The following ZNF804B variants were observed in gnomAD, a reference collection of about 807,000 sequenced individuals.
ZNF804B encodes zinc finger 804B.
A neutral mutation model predicts 101.4 loss-of-function variants in ZNF804B; 80 were observed. The ratio of observed to expected loss-of-function variants is 0.79; its 90% CI spans 0.66 to 0.95. The LOEUF is 0.95. ZNF804B is among the 40% of genes least tolerant of loss of function. The pLI, the probability that ZNF804B is intolerant of heterozygous loss-of-function variation, is 0.00. For missense variants in ZNF804B, 1,673 were observed against 1,561.9 expected (o/e 1.07, Z -1.20); for synonymous variants, 622 against 558.8 (o/e 1.11, Z -1.59).
chr7:89,164,930 G>A (rs984669740), intron 1 of ZNF804B, among the ~76,000 whole-genome samples: 3 of 152,048 alleles, frequency 2.0e-5, no homozygotes, highest in African/African-American at 7.2e-5. Flanking sequence ...TTTTACATAT[G>A]TTGTGTTATT....
intron 1 of ZNF804B, among the ~76,000 whole-genome samples, chr7:88,811,223 A>G (rs1790780401): frequency 6.6e-6 from 1 of 152,202 alleles, no homozygotes; most frequent in African/African-American, 2.4e-5. Flanking sequence ...TACCAACTGT[A>G]TGGCTGTTGG....
At chr7:88,939,712 G>T (rs781779339) in intron 1 of ZNF804B, among the ~76,000 whole-genome samples, 10 of 151,098 alleles carry the variant, frequency 6.6e-5, no homozygotes, top group East Asian at 2.0e-4. Context: ...GATTGAAAAA[G>T]ATATAATAGG....
At chr7:88,818,434 A>G (rs1790919636) in intron 1 of ZNF804B, among the ~76,000 whole-genome samples, 1 of 152,178 alleles carries the variant, frequency 6.6e-6, no homozygotes. Flanking sequence ...TATTAATGAA[A>G]GATAGTCAAT....
intron 1 of ZNF804B, among the ~76,000 whole-genome samples, chr7:89,069,513 T>C (rs1789503471): frequency 6.6e-6 from 1 of 152,184 alleles, no homozygotes; most frequent in Non-Finnish European, 1.5e-5. Context: ...TTTTTTAATG[T>C]TTATTTCAAT....
chr7:88,857,836 T>C lies in ZNF804B; in HGVS notation c.108+97752T>C, dbSNP rs1182544627. Reference sequence around the variant, plus strand: ...TCCTTTCTTTTCTTTTTTTTTTTTTTTTTTTTTTTTTTTTTGTCACTGCTG... The same window carrying C: ...TCCTTTCTTTTCTTTTTTTTTTTTTCTTTTTTTTTTTTTTTGTCACTGCTG... On this transcript the variant is annotated intron_variant, in intron 1 of 3. Coordinates refer to ENST00000333190, the MANE Select transcript of ZNF804B (RefSeq NM_181646.5). Among the ~76,000 whole-genome samples, 144 of 131,666 alleles carry C rather than the reference T, an allele frequency of 1.1e-3. 1 individual carries two copies. The East Asian group carries it at 0.025, about 23-fold the overall frequency. 86.4% of individuals were successfully genotyped at this position (131,666 alleles called of 152,430 possible).
chr7:89,252,515 A>C (rs1789557679), intron 2 of ZNF804B, among the ~76,000 whole-genome samples: 1 of 152,218 alleles, frequency 6.6e-6, no homozygotes, highest in Admixed American at 6.5e-5. Flanking sequence ...CATTTGATCC[A>C]GCAATCCCAT....
At chr7:89,102,925 A>G (rs932872407) in intron 1 of ZNF804B, among the ~76,000 whole-genome samples, 13 of 151,738 alleles carry the variant, frequency 8.6e-5, no homozygotes, top group Non-Finnish European at 1.9e-4. Context: ...TCACAGAACC[A>G]TTTATTGAAT....
intron 1 of ZNF804B, among the ~76,000 whole-genome samples, chr7:88,767,654 TATTACTTGC>T (rs1233258419): frequency 7.9e-5 from 12 of 152,206 alleles, no homozygotes; most frequent in African/African-American, 2.7e-4. Context: ...GAGGTGGCCA[TATTACTTGC>T]ATTCACATTC....
chr7:88,878,195 TATAATCCCATTGGTACCTTTTTTATGACA>T (rs1791980281), intron 1 of ZNF804B, among the ~76,000 whole-genome samples: 1 of 152,176 alleles, frequency 6.6e-6, no homozygotes, highest in South Asian at 2.1e-4. Context: ...TGAAATGGGC[TATAATCCCATTGGTACCTTTTTTATGACA>T]AGGGTTTTGG....
At chr7:88,964,633 C>T (rs1793430433) in intron 1 of ZNF804B, among the ~76,000 whole-genome samples, 1 of 151,448 alleles carries the variant, frequency 6.6e-6, no homozygotes, top group East Asian at 2.0e-4. Flanking sequence ...TGAATGTACT[C>T]AGTGCCACTG....
chr7:89,026,220 C>A, intron 1 of ZNF804B, among the ~76,000 whole-genome samples: 1 of 152,042 alleles, frequency 6.6e-6, no homozygotes, highest in African/African-American at 2.4e-5. Flanking sequence ...TAGTAATATA[C>A]CATAACAAGT....
intron 1 of ZNF804B, among the ~76,000 whole-genome samples, chr7:88,870,983 T>C (rs1791814542): frequency 6.6e-6 from 1 of 150,714 alleles, no homozygotes; most frequent in Non-Finnish European, 1.5e-5. Flanking sequence ...AATGATATAA[T>C]TTAATGCCAT....
At chr7:88,864,548 G>A (rs1257959920) in intron 1 of ZNF804B, among the ~76,000 whole-genome samples, 5 of 152,144 alleles carry the variant, frequency 3.3e-5, no homozygotes, top group Admixed American at 3.3e-4. Flanking sequence ...ACCCCTAGAG[G>A]AGTATTCACC....
chr7:88,941,302 A>C (rs1404722926), intron 1 of ZNF804B, among the ~76,000 whole-genome samples: 1 of 152,034 alleles, frequency 6.6e-6, no homozygotes, highest in African/African-American at 2.4e-5. Context: ...TCTGCACAAA[A>C]TCCTGCACAC....
intron 1 of ZNF804B, among the ~76,000 whole-genome samples, chr7:89,094,646 C>T (rs1789944765): frequency 6.6e-6 from 1 of 151,202 alleles, no homozygotes; most frequent in Non-Finnish European, 1.5e-5. Flanking sequence ...CAGTGTGTTT[C>T]TGATGAAAAC....
intron 2 of ZNF804B, among the ~76,000 whole-genome samples, chr7:89,308,795 T>G (rs1790606478): frequency 6.6e-6 from 1 of 152,190 alleles, no homozygotes; most frequent in Admixed American, 6.5e-5. Flanking sequence ...GATTCAACTC[T>G]GCCAATACAG....
At chr7:89,258,113 TA>T (rs1789662256) in intron 2 of ZNF804B, among the ~76,000 whole-genome samples, 1 of 151,924 alleles carries the variant, frequency 6.6e-6, no homozygotes, top group Non-Finnish European at 1.5e-5. Context: ...AAAAATAATA[TA>T]AATAAAATAT....
chr7:89,195,455 A>C, intron 1 of ZNF804B, among the ~76,000 whole-genome samples: 2 of 144,250 alleles, frequency 1.4e-5, no homozygotes, highest in Non-Finnish European at 1.5e-5. Context: ...GTCTCAGCCC[A>C]AAATCTCCTT....
chr7:89,086,891 T>C lies in ZNF804B; in HGVS notation c.109-131264T>C, dbSNP rs528167653. ...TCTATACCTAATGCTAAATGATGAG[T>C]TAATGGGTGCAGCACACCAACATGG... On this transcript the variant is annotated intron_variant, in intron 1 of 3. Coordinates refer to ENST00000333190, the MANE Select transcript of ZNF804B (RefSeq NM_181646.5). Among the ~76,000 whole-genome samples, 123 of 151,962 alleles carry C rather than the reference T, an allele frequency of 8.1e-4. 1 individual carries two copies. The highest frequency in any genetic ancestry group is 1.6e-3 in the Non-Finnish European group (107 of 67,884).
Sources: gnomAD v4.1 joint callset for allele counts (sites outside exome capture counted in the v4.1 genomes callset) on GRCh38, gnomAD v4.1.1 for gene constraint, MANE v1.5 for transcripts, NCBI Gene and HGNC (gene_info 2026-07-23, HGNC 2026-07-21) for gene names.